Variants in TACC1 observed in about 807,000 individuals in gnomAD.
The protein encoded by TACC1 is transforming acidic coiled-coil containing protein 1, also known as transforming acidic coiled-coil-containing protein 1.
Under a neutral mutation model 84.4 loss-of-function variants are expected in TACC1, and 48 were observed. The ratio of observed to expected loss-of-function variants is 0.57; its 90% CI spans 0.45 to 0.72. The LOEUF is 0.72. Ranked by LOEUF, TACC1 falls within the 30% of genes least tolerant of loss-of-function variation. The pLI is 0.00. For synonymous variants in TACC1, 372 were observed against 376.3 expected (o/e 0.99, Z 0.13); for missense variants, 920 against 973.0 (o/e 0.95, Z 0.72).
At chr8:38,798,931 T>C (rs755171931) in intron 2 of TACC1, among the ~76,000 whole-genome samples, 4 of 152,104 alleles carry the variant, frequency 2.6e-5, no homozygotes, top group African/African-American at 4.8e-5. Flanking sequence ...AACGAACATA[T>C]ATAAAATACA....
upstream of TACC1, among the ~76,000 whole-genome samples, chr8:38,784,673 C>T (rs926854717): frequency 6.6e-6 from 1 of 152,182 alleles, no homozygotes; most frequent in East Asian, 1.9e-4. Flanking sequence ...TAGATTTCCC[C>T]AGGGGGAGTC....
intron 2 of TACC1, among the ~76,000 whole-genome samples, chr8:38,815,835 A>T (rs1825312238): frequency 6.6e-6 from 1 of 152,228 alleles, no homozygotes; most frequent in African/African-American, 2.4e-5. Context: ...TCAGAGTCTA[A>T]TTAAAAACTA....
In TACC1 at chr8:38,849,697, A is replaced by G. The variant is rs560713528; in HGVS notation, c.*1674A>G. 4 of 152,760 alleles carry G rather than the reference A, an allele frequency of 2.6e-5. No homozygotes were observed. The highest frequency in any genetic ancestry group is 5.9e-5 in the Non-Finnish European group (4 of 68,036). The allele number at this position is 152,760 out of a possible 1,614,324, so 9.5% of individuals were successfully genotyped here. ...CAGAAGTCACATTTTACCAATATGC[A>G]TTTATCATAATTGGTGCTTAGGCTG... is the stretch of plus-strand genomic sequence containing the variant. On this transcript the variant is annotated 3_prime_UTR_variant, in exon 13 of 13. Coordinates refer to ENST00000317827, the MANE Select transcript of TACC1 (RefSeq NM_006283.3).
At chr8:38,839,016 C>A (rs904438451) in intron 8 of TACC1, among the ~76,000 whole-genome samples, 3 of 152,038 alleles carry the variant, frequency 2.0e-5, no homozygotes, top group Non-Finnish European at 2.9e-5. Context: ...CTCCCCTCTG[C>A]CTCCCAAGTA....
At chr8:38,803,250 AC>A (rs1318188458) in intron 2 of TACC1, among the ~76,000 whole-genome samples, 2 of 152,174 alleles carry the variant, frequency 1.3e-5, no homozygotes, top group Non-Finnish European at 2.9e-5. Flanking sequence ...CAATAGGGAT[AC>A]CTTTTATTTC....
chr8:38,754,615 C>T (rs918578447), intron 3 of TACC1, among the ~76,000 whole-genome samples: 2 of 152,236 alleles, frequency 1.3e-5, no homozygotes, highest in Non-Finnish European at 2.9e-5. Flanking sequence ...AAGCTATGAT[C>T]ATGCCACTGC....
chr8:38,827,919 A>G (rs1187358130), intron 5 of TACC1: 1 of 157,608 alleles, frequency 6.3e-6, no homozygotes, highest in Non-Finnish European at 1.4e-5. Flanking sequence ...CAAAGATTTC[A>G]CAGAAACTAA....
chr8:38,760,404 A>T (rs1381374351), intron 3 of TACC1, among the ~76,000 whole-genome samples: 2 of 152,242 alleles, frequency 1.3e-5, no homozygotes, highest in Non-Finnish European at 1.5e-5. Flanking sequence ...TTGTGGAGTC[A>T]GGCAGACCTG....
chr8:38,817,267 C>CT (rs1275703653), intron 2 of TACC1, among the ~76,000 whole-genome samples: 1 of 152,168 alleles, frequency 6.6e-6, no homozygotes, highest in East Asian at 1.9e-4. Flanking sequence ...CCTTAGGGTG[C>CT]TGATGGCTTG....
chr8:38,829,156 ATCT>A (rs1218689411), intron 5 of TACC1, among the ~76,000 whole-genome samples: 1 of 152,194 alleles, frequency 6.6e-6, no homozygotes. Flanking sequence ...AAAAACTCAG[ATCT>A]TCTTAACATA....
intron 2 of TACC1, among the ~76,000 whole-genome samples, chr8:38,794,377 T>C (rs1819482557): frequency 6.6e-6 from 1 of 152,194 alleles, no homozygotes; most frequent in Admixed American, 6.5e-5. Context: ...GCTCAAGTGA[T>C]CCTCCCACCT....
chr8:38,772,810 C>T (rs930760889), intron 3 of TACC1, among the ~76,000 whole-genome samples: 5 of 151,776 alleles, frequency 3.3e-5, no homozygotes, highest in African/African-American at 7.2e-5. Context: ...TTAATATAAA[C>T]AATAAATTGA....
At chr8:38,829,544 C>A (rs1347800615) in intron 5 of TACC1, among the ~76,000 whole-genome samples, 1 of 152,198 alleles carries the variant, frequency 6.6e-6, no homozygotes, top group Admixed American at 6.5e-5. Flanking sequence ...CATTTCCTTT[C>A]CCCCTTCCTG....
At chr8:38,843,597 A>G (rs1037723238) in intron 11 of TACC1, 1 of 344,360 alleles carries the variant, frequency 2.9e-6, no homozygotes, top group Non-Finnish European at 5.2e-6. Flanking sequence ...CTGGGTTCCC[A>G]TCTTTCTCTA....
chr8:38,805,913 G>T (rs1220607223), intron 2 of TACC1, among the ~76,000 whole-genome samples: 1 of 152,186 alleles, frequency 6.6e-6, no homozygotes, highest in Non-Finnish European at 1.5e-5. Context: ...TCCTTTGTGT[G>T]TCTTATGTGG....
intron 3 of TACC1, among the ~76,000 whole-genome samples, chr8:38,820,894 C>T (rs1826630810): frequency 6.6e-6 from 1 of 151,892 alleles, no homozygotes; most frequent in Non-Finnish European, 1.5e-5. Context: ...TCCCTTGACC[C>T]TAGAGACTTT....
intron 2 of TACC1, among the ~76,000 whole-genome samples, chr8:38,789,491 C>T (rs1818151623): frequency 6.6e-6 from 1 of 152,198 alleles, no homozygotes; most frequent in Non-Finnish European, 1.5e-5. Flanking sequence ...CAGTGAAGTC[C>T]TGCTCTCTCG....
intron 11 of TACC1, among the ~76,000 whole-genome samples, chr8:38,845,479 A>T (rs894401491): frequency 6.6e-6 from 1 of 152,236 alleles, no homozygotes; most frequent in Non-Finnish European, 1.5e-5. Flanking sequence ...TATTTACAAT[A>T]TTGGAATCAC....
intron 1 of TACC1, chr8:38,788,037 C>CG: frequency 4.6e-6 from 2 of 435,092 alleles, no homozygotes; most frequent in Non-Finnish European, 4.1e-6. Context: ...CCCCAGCCCC[C>CG]GCCCCTCCAC....
Sources: gnomAD v4.1 joint callset for allele counts (sites outside exome capture counted in the v4.1 genomes callset) on GRCh38, gnomAD v4.1.1 for gene constraint, MANE v1.5 for transcripts, NCBI Gene and HGNC (gene_info 2026-07-23, HGNC 2026-07-21) for gene names.